The following ERCC6L2 variants were observed in gnomAD, a reference collection of about 807,000 sequenced individuals.
ERCC6L2 encodes the protein ERCC excision repair 6 like 2, also known as DNA excision repair protein ERCC-6-like 2.
A neutral mutation model predicts 132.0 loss-of-function variants in ERCC6L2; 77 were observed. That is an observed-to-expected ratio of 0.58 (90% CI 0.49 to 0.71). The LOEUF (loss-of-function observed/expected upper bound fraction) is 0.71. Ranked by LOEUF, ERCC6L2 falls within the 30% of genes least tolerant of loss-of-function variation. The probability of loss-of-function intolerance (pLI) is 0.00; values close to 1 mark genes in which losing one functional copy is unlikely to be tolerated. For missense variants in ERCC6L2, 1,542 were observed against 1,837.6 expected, an observed-to-expected ratio of 0.84 and a Z score of 2.94; for synonymous variants, 583 against 632.4, an observed-to-expected ratio of 0.92 and a Z score of 1.17.
rs1828853705 is a variant in ERCC6L2 at position 95,902,970 on chromosome 9, A to T, written c.595-4108A>T. Among the ~76,000 whole-genome samples, 3 of 152,016 alleles carry T rather than the reference A, an allele frequency of 2.0e-5. No individual in the cohort carries two copies. The South Asian group carries it at 6.2e-4, about 32-fold the overall frequency. On this transcript the variant is annotated intron_variant, in intron 3 of 18. Transcript: ENST00000653738. Reference sequence around the variant, plus strand: ...GCTTTGAATTATTTATTGATTTTTTAAAAATGTTTATGTGGTTACATGTAT... The same window carrying T: ...GCTTTGAATTATTTATTGATTTTTTTAAAATGTTTATGTGGTTACATGTAT...
At position 95,897,885 on chromosome 9, in the gene ERCC6L2, G is replaced by A. The variant is rs1252029812; in HGVS notation, c.508G>A (p.Gly170Arg). The A allele has an allele frequency of 1.2e-6, 2 of 1,612,546 alleles. No homozygotes were observed. Among genetic ancestry groups the A allele is most frequent in the African/African-American group, 1.3e-5 (1 of 74,926 alleles). ...TCTGGCTGCAGTTTTGCATAAAAAGGGAACTCGTGAGGATATTGAAAATAA... is the reference window on the plus strand; with the variant it reads ...TCTGGCTGCAGTTTTGCATAAAAAGAGAACTCGTGAGGATATTGAAAATAA... ...SFLAAVLHKK[G>R]TREDIENNMP... The change falls in exon 3 of 19, where the codon GGA (glycine) becomes AGA (arginine). Residue 170 changes from glycine (G) to arginine (R), a missense_variant. Coordinates refer to ENST00000653738, the MANE Select transcript of ERCC6L2 (RefSeq NM_020207.7).
At chr9:95,900,448 G>A (rs2132622401) in intron 3 of ERCC6L2, among the ~76,000 whole-genome samples, 1 of 151,752 alleles carries the variant, frequency 6.6e-6, no homozygotes, top group Non-Finnish European at 1.5e-5. Flanking sequence ...TTAATATGTA[G>A]TTTTTTCGTT....
Position 95,876,059 on chromosome 9 carries a change from G to A in ERCC6L2, c.21G>A (p.Gln7=), listed in dbSNP as rs139286981. 6.3e-7 allele frequency: 1 copy of A among 1,585,052 alleles called. No individual in the cohort carries two copies. Among genetic ancestry groups the A allele is most frequent in the South Asian group, 1.2e-5 (1 of 86,864 alleles). MDPSAP[Q]PRAETSGKDI... The stretch of plus-strand genomic sequence containing the variant: ...GCCGGATGGATCCGTCGGCGCCACA[G>A]CCCCGCGCGGAAACCTCAGGCAAAG... The change falls in exon 1 of 19, where the codon CAG becomes CAA. Residue 7 remains glutamine (Q), a synonymous_variant. Transcript: ENST00000653738.
intron 6 of ERCC6L2, 47 bp from the exon 7 acceptor site, chr9:95,921,128 T>C (rs771303268): frequency 6.6e-7 from 1 of 1,508,268 alleles, no homozygotes; most frequent in Non-Finnish European, 9.0e-7. Context: ...TTTTTATTAT[T>C]GTTATAAACA....
chr9:95,941,341 A>G, intron 11 of ERCC6L2, 113 bp from the exon 12 acceptor site: 1 of 643,970 alleles, frequency 1.6e-6, no homozygotes, highest in Non-Finnish European at 2.7e-6. Context: ...ACTTTGATGA[A>G]ATTAATGCAA....
intron 3 of ERCC6L2, among the ~76,000 whole-genome samples, chr9:95,904,453 T>C (rs1401313036): frequency 2.6e-5 from 4 of 152,156 alleles, no homozygotes; most frequent in Non-Finnish European, 5.9e-5. Context: ...GACTTTTTGA[T>C]TGAAGGTGCT....
chr9:96,001,202 C>T (rs1180836097), intron 17 of ERCC6L2, among the ~76,000 whole-genome samples: 1 of 152,112 alleles, frequency 6.6e-6, no homozygotes, highest in Non-Finnish European at 1.5e-5. Flanking sequence ...TGAGCAGTAG[C>T]AAGATTTATT....
downstream of ERCC6L2, among the ~76,000 whole-genome samples, chr9:96,018,635 A>AT (rs57092627): frequency 0.13 from 18,977 of 142,126 alleles, 1,302 homozygotes; most frequent in South Asian, 0.24. Context: ...TAATTTTTGC[A>AT]TTTTTTTTTT....
At chr9:95,990,602 G>T (rs368827597) in intron 17 of ERCC6L2, among the ~76,000 whole-genome samples, 1 of 152,176 alleles carries the variant, frequency 6.6e-6, no homozygotes, top group African/African-American at 2.4e-5. Flanking sequence ...CCCGCTGCTG[G>T]CCACTGCTCA....
intron 2 of ERCC6L2, 61 bp from the exon 3 acceptor site, chr9:95,897,788 G>A (rs1828546076): frequency 6.4e-7 from 1 of 1,556,808 alleles, no homozygotes; most frequent in African/African-American, 1.4e-5. Flanking sequence ...CATGTAAGCA[G>A]TGAAATTTTG....
chr9:95,944,070 ACT>A (rs1830935720), intron 12 of ERCC6L2, among the ~76,000 whole-genome samples: 1 of 152,218 alleles, frequency 6.6e-6, no homozygotes, highest in African/African-American at 2.4e-5. Flanking sequence ...ATACTTGTAC[ACT>A]CATGTTCATA....
At chr9:95,921,393 A>G in intron 7 of ERCC6L2, 78 bp downstream of exon 7, 1 of 1,169,484 alleles carries the variant, frequency 8.6e-7, no homozygotes, top group Non-Finnish European at 1.2e-6. Context: ...AAAGTAGCAG[A>G]TGATAAAATA....
At chr9:95,913,777 G>A (rs1829452970) in intron 4 of ERCC6L2, among the ~76,000 whole-genome samples, 2 of 152,090 alleles carry the variant, frequency 1.3e-5, no homozygotes, top group Admixed American at 1.3e-4. Context: ...TTTGGTGTCT[G>A]GCTTCTTTCA....
At chr9:95,975,042 C>G (rs1284052806) in intron 16 of ERCC6L2, among the ~76,000 whole-genome samples, 1 of 152,118 alleles carries the variant, frequency 6.6e-6, no homozygotes, top group Admixed American at 6.6e-5. Flanking sequence ...AATAACAGTA[C>G]TACCTCCATT....
At chr9:95,982,711 GTATATA>G (rs76411025) in intron 17 of ERCC6L2, among the ~76,000 whole-genome samples, 1 of 151,302 alleles carries the variant, frequency 6.6e-6, no homozygotes, top group Non-Finnish European at 1.5e-5. Context: ...TAAAATATGT[GTATATA>G]TATATATGAA....
At chr9:95,877,902 A>T (rs77445347) in intron 1 of ERCC6L2, among the ~76,000 whole-genome samples, 3 of 152,094 alleles carry the variant, frequency 2.0e-5, no homozygotes, top group Non-Finnish European at 4.4e-5. Flanking sequence ...AAAATTTATA[A>T]CAGTACAAAC....
intron 14 of ERCC6L2, 45 bp from the exon 15 acceptor site, chr9:95,970,531 C>T (rs767759379): frequency 1.7e-6 from 2 of 1,184,964 alleles, no homozygotes; most frequent in African/African-American, 1.6e-5. Context: ...GTTGCTACCC[C>T]CTGTGTTGCA....
intron 12 of ERCC6L2, among the ~76,000 whole-genome samples, chr9:95,943,248 A>G (rs1458235418): frequency 2.0e-5 from 3 of 152,140 alleles, no homozygotes; most frequent in Non-Finnish European, 4.4e-5. Flanking sequence ...ATAAATTTTG[A>G]TAATTGTCAG....
At chr9:95,955,397 G>T (rs540747219) in intron 12 of ERCC6L2, among the ~76,000 whole-genome samples, 1 of 148,468 alleles carries the variant, frequency 6.7e-6, no homozygotes, top group Non-Finnish European at 1.5e-5. Flanking sequence ...GATAAGTTTT[G>T]ACTTATGTAC....
Sources: gnomAD v4.1 joint callset for allele counts (sites outside exome capture counted in the v4.1 genomes callset) on GRCh38, gnomAD v4.1.1 for gene constraint, MANE v1.5 for transcripts, NCBI Gene and HGNC (gene_info 2026-07-23, HGNC 2026-07-21) for gene names.